The following MYO18B variants were observed in gnomAD, a reference collection of about 807,000 sequenced individuals.
The protein encoded by MYO18B is myosin XVIIIB, also known as unconventional myosin-XVIIIb.
MYO18B carries 204 observed loss-of-function variants against 273.0 expected under a neutral mutation model. The observed-to-expected ratio is 0.75, with a 90% confidence interval of 0.67 to 0.84. The LOEUF (loss-of-function observed/expected upper bound fraction) is 0.84, where lower values mean the gene tolerates loss of function less well. Among genes scored for constraint, MYO18B ranks in the 40% least tolerant of loss-of-function variants. The pLI is 0.00. For synonymous variants in MYO18B, 1,330 were observed against 1,305.7 expected (o/e 1.02, Z -0.40); for missense variants, 3,212 against 3,287.6 (o/e 0.98, Z 0.56).
intron 42 of MYO18B, among the ~76,000 whole-genome samples, chr22:26,009,674 C>CT (rs1934725610): frequency 1.3e-5 from 2 of 152,142 alleles, no homozygotes; most frequent in African/African-American, 4.8e-5. Flanking sequence ...TCATGGAACT[C>CT]TATCTGCTTG....
intron 34 of MYO18B, among the ~76,000 whole-genome samples, chr22:25,943,326 C>T (rs1281676484): frequency 6.6e-6 from 1 of 152,186 alleles, no homozygotes; most frequent in African/African-American, 2.4e-5. Context: ...TGGAGCACCT[C>T]CACCGCCTCC....
chr22:25,992,661 C>G (rs2093282351), intron 40 of MYO18B, among the ~76,000 whole-genome samples, 168 bp downstream of exon 40: 1 of 152,220 alleles, frequency 6.6e-6, no homozygotes, highest in South Asian at 2.1e-4. Context: ...GGATGTTGCC[C>G]TGCTGGTTTA....
At chr22:25,765,890 G>A (rs2086487973) in intron 3 of MYO18B, among the ~76,000 whole-genome samples, 1 of 152,178 alleles carries the variant, frequency 6.6e-6, no homozygotes, top group South Asian at 2.1e-4. Flanking sequence ...TGTAGACAGT[G>A]GTGAGATTTG....
intron 1 of MYO18B, among the ~76,000 whole-genome samples, chr22:25,752,257 G>A (rs1377445346): frequency 6.8e-6 from 1 of 147,312 alleles, no homozygotes; most frequent in Non-Finnish European, 1.5e-5. Flanking sequence ...GCGGGATCTC[G>A]GCTCACTGCA....
At chr22:26,043,455 A>C in the MYO18B span, among the ~76,000 whole-genome samples, 1 of 150,856 alleles carries the variant, frequency 6.6e-6, no homozygotes, top group African/African-American at 2.4e-5. Context: ...GTCTTAGGGT[A>C]GATATATGTG....
chr22:25,843,236 C>T (rs1428201827), intron 17 of MYO18B, among the ~76,000 whole-genome samples: 2 of 152,078 alleles, frequency 1.3e-5, no homozygotes, highest in Admixed American at 1.3e-4. Context: ...AAAAGTATTC[C>T]CTGTATTTAT....
chr22:25,944,550 T>C (rs2092682442), intron 34 of MYO18B, among the ~76,000 whole-genome samples: 1 of 152,102 alleles, frequency 6.6e-6, no homozygotes, highest in African/African-American at 2.4e-5. Flanking sequence ...AGCTGAACAT[T>C]ATAAATGAGC....
the MYO18B span, among the ~76,000 whole-genome samples, chr22:26,058,192 GACCA>G: frequency 1.3e-5 from 2 of 152,170 alleles, no homozygotes; most frequent in Non-Finnish European, 2.9e-5. Flanking sequence ...TACTAGGGCA[GACCA>G]ACTTCTAATG....
chr22:25,748,711 A>G (rs1601583741), intron 1 of MYO18B, among the ~76,000 whole-genome samples: 2 of 151,424 alleles, frequency 1.3e-5, no homozygotes, highest in Admixed American at 1.3e-4. Context: ...TCAACATTTC[A>G]TTTTCCCTCC....
intron 12 of MYO18B, 120 bp downstream of exon 12, chr22:25,798,217 G>C: frequency 7.6e-7 from 1 of 1,308,430 alleles, no homozygotes; most frequent in Non-Finnish European, 1.0e-6. Flanking sequence ...TATGTCTCTG[G>C]GACTTCCCTT....
At chr22:25,930,856 G>A (rs572864511) in intron 34 of MYO18B, among the ~76,000 whole-genome samples, 3 of 152,254 alleles carry the variant, frequency 2.0e-5, no homozygotes, top group Non-Finnish European at 2.9e-5. Flanking sequence ...AGCCTTGTGC[G>A]ACTTATACAC....
At chr22:25,766,797 G>A (rs1162673273) in intron 3 of MYO18B, among the ~76,000 whole-genome samples, 1 of 152,222 alleles carries the variant, frequency 6.6e-6, no homozygotes, top group Non-Finnish European at 1.5e-5. Flanking sequence ...AAGACCAATG[G>A]TGGTGCCAAA....
chr22:25,941,298 C>G (rs59450887), intron 34 of MYO18B, among the ~76,000 whole-genome samples: 2,863 of 152,266 alleles, frequency 0.019, 80 homozygotes, highest in African/African-American at 0.06. Context: ...GATGATTACT[C>G]AGAGTCGAAA....
chr22:25,781,807 T>G lies in MYO18B; in HGVS notation c.2285T>G (p.Met762Arg). The G allele has an allele frequency of 6.3e-7, 1 of 1,592,436 alleles. No individual in the cohort carries two copies. The highest frequency in any genetic ancestry group is 8.5e-7 in the Non-Finnish European group (1 of 1,170,630). ...GESNFLVFSQMLAGLDLDLRT... is the reference protein window; with the variant it reads ...GESNFLVFSQRLAGLDLDLRT... ...AGTAACTTCCTGGTTTTCTCCCAGA[T>G]GCTGGCTGGATTGGACTTGGATCTC... is the stretch of plus-strand genomic sequence containing the variant. Residue 762 changes from methionine to arginine, a missense_variant, in exon 10 of 44, where the codon ATG becomes AGG. Met to Arg is a moderately conservative substitution (Grantham distance 91, BLOSUM62 -1). Coordinates refer to ENST00000335473, the MANE Select transcript of MYO18B (RefSeq NM_032608.7).
At chr22:25,889,618 C>T (rs1257631726) in intron 25 of MYO18B, among the ~76,000 whole-genome samples, 1 of 151,340 alleles carries the variant, frequency 6.6e-6, no homozygotes, top group Non-Finnish European at 1.5e-5. Context: ...ATGAGCTGCC[C>T]TTCTCCTACA....
intron 39 of MYO18B, among the ~76,000 whole-genome samples, chr22:25,981,801 C>T (rs1175259024): frequency 6.6e-6 from 1 of 152,204 alleles, no homozygotes; most frequent in Non-Finnish European, 1.5e-5. Flanking sequence ...GCTGTGTTCT[C>T]TCTTGGATCA....
chr22:25,847,691 C>T (rs1274551046), intron 20 of MYO18B, 39 bp downstream of exon 20: 2 of 1,469,820 alleles, frequency 1.4e-6, no homozygotes, highest in South Asian at 2.4e-5. Flanking sequence ...GTCTCTGACT[C>T]CTGGGACATG....
At chr22:25,771,048 A>G (rs770856015) in intron 6 of MYO18B, 64 bp downstream of exon 6, 5 of 1,134,408 alleles carry the variant, frequency 4.4e-6, no homozygotes, top group Admixed American at 2.0e-5. Flanking sequence ...CCAGCTCCAT[A>G]CCCTCCTTCC....
chr22:25,787,272 G>GCGCACACACA lies in MYO18B; in HGVS notation c.2376+1782_2376+1783insGCACACACAC, dbSNP rs1482737296. Among the ~76,000 whole-genome samples, 11 of 136,714 alleles carry GCGCACACACA rather than the reference G, an allele frequency of 8.0e-5. 1 individual carries two copies. In the South Asian group the frequency reaches 3.1e-3, roughly 39 times the overall value. The allele number at this position is 136,714 out of a possible 152,430, so 89.7% of individuals were successfully genotyped here. ...TAAGCCTGTGTGCGTGCAGGCGCGC[G>GCGCACACACA]CACACACACACACACACACACACAC... is the stretch of plus-strand genomic sequence containing the variant. On this transcript the variant is annotated intron_variant, in intron 11 of 43. Transcript: ENST00000335473.
Sources: allele counts gnomAD v4.1 joint callset (sites outside exome capture counted in the v4.1 genomes callset), GRCh38; gene constraint gnomAD v4.1.1; transcripts MANE v1.5; gene names NCBI Gene and HGNC (gene_info 2026-07-23, HGNC 2026-07-21).